The following RYR3 variants were observed in gnomAD, a reference collection of about 807,000 sequenced individuals.
RYR3 encodes brain ryanodine receptor-calcium release channel.
RYR3 carries 207 observed loss-of-function variants against 584.3 expected under a neutral mutation model. That is an observed-to-expected ratio of 0.35 (90% CI 0.32 to 0.40). The LOEUF (loss-of-function observed/expected upper bound fraction) is 0.40. Ranked by LOEUF, RYR3 falls within the 10% of genes least tolerant of loss-of-function variation. The probability of loss-of-function intolerance (pLI) is 1.00; values close to 1 mark genes in which losing one functional copy is unlikely to be tolerated. For synonymous variants in RYR3, 2,416 were observed against 2,248.5 expected, an observed-to-expected ratio of 1.07 and a Z score of -2.11; for missense variants, 5,616 against 6,089.2, an observed-to-expected ratio of 0.92 and a Z score of 2.59.
At chr15:33,722,335 T>C (rs1297467511) in intron 43 of RYR3, among the ~76,000 whole-genome samples, 2 of 152,270 alleles carry the variant, frequency 1.3e-5, no homozygotes, top group Admixed American at 1.3e-4. Context: ...CCTAAATATA[T>C]GGAAATAATC....
At position 33,865,366 on chromosome 15, in the gene RYR3, G is replaced by A; in HGVS notation, c.*140G>A. The A allele has an allele frequency of 1.5e-6, 1 of 646,750 alleles. No homozygotes were observed. The highest frequency in any genetic ancestry group is 2.6e-6 in the Non-Finnish European group (1 of 378,634). 40.1% of individuals were successfully genotyped at this position (646,750 alleles called of 1,614,324 possible). ...AAAAAAAAAACTGCTGAAAATCTGT[G>A]CTATTTTGAAATTGATTTGGCTTTT... On this transcript the variant is annotated 3_prime_UTR_variant, in exon 104 of 104. Coordinates refer to ENST00000634891, the MANE Select transcript of RYR3 (RefSeq NM_001036.6).
At chr15:33,755,029 C>T (rs568152558) in intron 57 of RYR3, 36 bp from the exon 58 acceptor site, 31 of 1,183,572 alleles carry the variant, frequency 2.6e-5, no homozygotes, top group South Asian at 1.5e-4. Context: ...ATGGTTGTCT[C>T]TGTTACTTCC....
chr15:33,366,933 C>T (rs1975583784), intron 1 of RYR3, among the ~76,000 whole-genome samples: 1 of 152,236 alleles, frequency 6.6e-6, no homozygotes, highest in Non-Finnish European at 1.5e-5. Context: ...AAAAGAGCTA[C>T]TCCATCTCTA....
Position 33,768,610 on chromosome 15 carries a change from G to C in RYR3, c.8706-48G>C, listed in dbSNP as rs754428304. 6 of 1,563,140 alleles carry C rather than the reference G, an allele frequency of 3.8e-6. No individual in the cohort carries two copies. In the South Asian group the frequency reaches 6.7e-5, roughly 17 times the overall value. ...TTGGGGTGGGGGATACAAAGCGTGA[G>C]TCCTTTAATCTCTGTGACTTTCTGA... On this transcript the variant is annotated intron_variant, in intron 60 of 103. Transcript: ENST00000634891.
rs368209451 is a variant in RYR3, at chr15:33,603,145, G to C, written c.1945G>C (p.Gly649Arg). The C allele has an allele frequency of 1.4e-4, 230 of 1,613,692 alleles. No individual in the cohort carries two copies. Among genetic ancestry groups the C allele is most frequent in the Non-Finnish European group, 1.8e-4 (215 of 1,179,828 alleles). The change falls in exon 18 of 104, where the codon GGA becomes CGA. Residue 649 changes from glycine to arginine, a missense_variant. Gly to Arg is a moderately radical substitution (Grantham distance 125). Around this residue, in one of 9 missense-constraint regions of RYR3, gnomAD observed 1,284 missense variants for 1,344.6 expected, o/e 0.95. Transcript: ENST00000634891. ...VTSIRPNIFLGVAEGSAQYKK... is the reference protein window; with the variant it reads ...VTSIRPNIFLRVAEGSAQYKK... ...CAGTATCCGGCCAAACATCTTCCTG[G>C]GAGTCGCGGAGGGCTCAGCCCAGTA...
At chr15:33,783,667 G>GT (rs2074528088) in intron 65 of RYR3, among the ~76,000 whole-genome samples, 1 of 152,204 alleles carries the variant, frequency 6.6e-6, no homozygotes, top group Non-Finnish European at 1.5e-5. Flanking sequence ...GTAAATTTCA[G>GT]TTGCGTCTAT....
chr15:33,504,761 C>T (rs937236251), intron 3 of RYR3, among the ~76,000 whole-genome samples: 4 of 152,190 alleles, frequency 2.6e-5, no homozygotes, highest in Admixed American at 6.5e-5. Flanking sequence ...AGTATCCCAG[C>T]GACATCGAAT....
rs567185182 is a variant in RYR3 at position 33,383,356 on chromosome 15, T to G, written c.51+72260T>G. Among the ~76,000 whole-genome samples the G allele has an allele frequency of 4.7e-5, 7 of 149,358 alleles. No homozygotes were observed. In the South Asian group the frequency reaches 6.6e-4, roughly 14 times the overall value. On this transcript the variant is annotated intron_variant, in intron 1 of 103. Coordinates refer to ENST00000634891, the MANE Select transcript of RYR3 (RefSeq NM_001036.6). Reference sequence around the variant, plus strand: ...AAAAAGGCCAGAAAAATGAATGCAGTTTTGAGATACGCCACACTTCGGTGA... The same window carrying G: ...AAAAAGGCCAGAAAAATGAATGCAGGTTTGAGATACGCCACACTTCGGTGA...
chr15:33,674,806 A>G (rs2064060811), intron 38 of RYR3, among the ~76,000 whole-genome samples: 1 of 143,294 alleles, frequency 7.0e-6, no homozygotes, highest in South Asian at 2.2e-4. Context: ...AAAAAAAAAA[A>G]GCTGCTTCAA....
intron 3 of RYR3, among the ~76,000 whole-genome samples, chr15:33,508,371 T>C (rs1485216260): frequency 6.6e-6 from 1 of 151,928 alleles, no homozygotes. Context: ...TTGATTGGGC[T>C]GGGCGTGGTG....
intron 94 of RYR3, chr15:33,849,879 C>G (rs1382529380): frequency 1.3e-5 from 2 of 152,214 alleles, no homozygotes; most frequent in African/African-American, 4.8e-5. Context: ...CAGGCACATC[C>G]TCACATCCTA....
At chr15:33,433,413 T>A (rs2045375927) in intron 1 of RYR3, among the ~76,000 whole-genome samples, 1 of 152,176 alleles carries the variant, frequency 6.6e-6, no homozygotes, top group South Asian at 2.1e-4. Context: ...CAACATTTTA[T>A]ATAATAAGTA....
intron 10 of RYR3, 72 bp downstream of exon 10, chr15:33,550,388 A>G: frequency 1.3e-5 from 18 of 1,428,520 alleles, no homozygotes; most frequent in Non-Finnish European, 1.7e-5. Context: ...GCAGAACTAT[A>G]ACTGGAAAAG....
chr15:33,565,097 G>A (rs2077396), intron 11 of RYR3, among the ~76,000 whole-genome samples: 31,265 of 120,732 alleles, frequency 0.26, 3,583 homozygotes, highest in Admixed American at 0.43. Flanking sequence ...AAGATTTCTC[G>A]CAGAGAAGGA....
intron 16 of RYR3, among the ~76,000 whole-genome samples, chr15:33,599,709 A>G (rs1041533083): frequency 2.6e-5 from 4 of 152,132 alleles, no homozygotes; most frequent in Admixed American, 6.5e-5. Context: ...GGCCCAAGGT[A>G]TTTTCCTTTC....
chr15:33,485,268 T>G (rs1048988676), intron 2 of RYR3, among the ~76,000 whole-genome samples: 1 of 152,106 alleles, frequency 6.6e-6, no homozygotes. Context: ...AGAAGCCAAT[T>G]TAGAGAACTT....
chr15:33,806,979 A>G (rs1420544167), intron 69 of RYR3, among the ~76,000 whole-genome samples: 2 of 147,766 alleles, frequency 1.4e-5, no homozygotes, highest in East Asian at 4.0e-4. Flanking sequence ...TCAAATTCCT[A>G]GCTTCAAGTG....
chr15:33,564,532 C>T (rs2057593324), intron 11 of RYR3, among the ~76,000 whole-genome samples: 1 of 152,196 alleles, frequency 6.6e-6, no homozygotes, highest in African/African-American at 2.4e-5. Context: ...ATCCTCTATT[C>T]TTACCAGCCT....
At chr15:33,458,045 G>A (rs2047707373) in intron 1 of RYR3, among the ~76,000 whole-genome samples, 1 of 152,090 alleles carries the variant, frequency 6.6e-6, no homozygotes, top group Admixed American at 6.5e-5. Context: ...CTAGTGTGAT[G>A]GTTAATTTTA....
Sources: allele counts gnomAD v4.1 joint callset (sites outside exome capture counted in the v4.1 genomes callset), GRCh38; gene constraint gnomAD v4.1.1; regional missense constraint gnomAD v4.1.1; transcripts MANE v1.5; gene names NCBI Gene and HGNC (gene_info 2026-07-23, HGNC 2026-07-21).